The following CSRNP1 variants were observed in gnomAD, a reference collection of about 807,000 sequenced individuals.
CSRNP1 encodes cysteine/serine-rich nuclear protein 1.
CSRNP1 carries 8 observed loss-of-function variants against 25.0 expected under a neutral mutation model. The ratio of observed to expected loss-of-function variants is 0.32; its 90% CI spans 0.19 to 0.58. The LOEUF is 0.58. CSRNP1 is among the 20% of genes least tolerant of loss of function. CSRNP1 has a pLI of 0.88. For missense variants in CSRNP1, 691 were observed against 773.1 expected, an observed-to-expected ratio of 0.89 and a Z score of 1.26; for synonymous variants, 305 against 303.1, an observed-to-expected ratio of 1.01 and a Z score of -0.06.
chr3:39,145,633 T>A (rs564423819), intron 2 of CSRNP1, among the ~76,000 whole-genome samples: 1 of 152,262 alleles, frequency 6.6e-6, no homozygotes, highest in African/African-American at 2.4e-5. Flanking sequence ...TACAAGTTAA[T>A]GTTTATTGAT....
intron 3 of CSRNP1, 99 bp from the exon 4 acceptor site, chr3:39,144,550 A>G: frequency 1.7e-6 from 2 of 1,172,918 alleles, no homozygotes; most frequent in Non-Finnish European, 2.4e-6. Context: ...TTACCCCCCC[A>G]CTACTCGTGC....
At chr3:39,154,244 T>G (rs138082094), upstream of CSRNP1, 1 of 152,104 alleles carries the variant, frequency 6.6e-6, no homozygotes, top group East Asian at 1.9e-4. Context: ...CTGCAGAAGT[T>G]CCAAACTAGG....
rs987240500 is a variant in CSRNP1, at chr3:39,144,590, C to G, written c.466-139G>C. The stretch of plus-strand genomic sequence containing the variant: ...TCTGCGATGGGCACTGTGTGTCAGA[C>G]AGTGAACAGGACAGCCAAGAAAACT... On this transcript the variant is annotated intron_variant, in intron 3 of 4. Coordinates refer to ENST00000273153, the MANE Select transcript of CSRNP1 (RefSeq NM_033027.4). 5.1e-5 allele frequency: 42 copies of G among 827,948 alleles called. No individual in the cohort carries two copies. The Admixed American group carries it at 6.6e-4, about 13-fold the overall frequency. 51.3% of individuals were successfully genotyped at this position (827,948 alleles called of 1,614,324 possible). A position where few individuals can be genotyped will look rare whatever the true frequency, so the allele number is the denominator to read the frequency against.
At chr3:39,153,708 G>A (rs1318952258), upstream of CSRNP1, 1 of 151,322 alleles carries the variant, frequency 6.6e-6, no homozygotes, top group Admixed American at 6.6e-5. Context: ...CCGCCCCGGA[G>A]GCGCCGCCTC....
intron 1 of CSRNP1, 32 bp downstream of exon 1, chr3:39,153,406 T>C: frequency 3.7e-6 from 1 of 271,392 alleles, no homozygotes; most frequent in Non-Finnish European, 7.8e-6. Context: ...CAAAGTCCCG[T>C]CCTGCCGGGC....
chr3:39,144,845 A>G lies in CSRNP1; in HGVS notation c.465+152T>C, dbSNP rs1453360252. On this transcript the variant is annotated intron_variant, in intron 3 of 4. Coordinates refer to ENST00000273153, the MANE Select transcript of CSRNP1 (RefSeq NM_033027.4). ...TCCTGTTGCAGACAACCCAGGCAAC[A>G]GGCTCCAATCAAGCCAATCACCAGG... is the stretch of plus-strand genomic sequence containing the variant. 7.4e-6 allele frequency: 7 copies of G among 951,006 alleles called. No homozygotes were observed. In the Admixed American group the frequency reaches 1.6e-4, roughly 22 times the overall value. 58.9% of individuals were successfully genotyped at this position (951,006 alleles called of 1,614,324 possible). A position where few individuals can be genotyped will look rare whatever the true frequency, so the allele number is the denominator to read the frequency against.
At position 39,142,873 on chromosome 3, in the gene CSRNP1, T is replaced by G. The variant is rs1399749360; in HGVS notation, c.*182A>C. 4.2e-5 allele frequency: 30 copies of G among 706,336 alleles called. No individual in the cohort carries two copies. The South Asian group carries it at 6.6e-4, about 15-fold the overall frequency. The allele number at this position is 706,336 out of a possible 1,614,324, so 43.8% of individuals were successfully genotyped here. On this transcript the variant is annotated 3_prime_UTR_variant, in exon 5 of 5. Coordinates refer to ENST00000273153, the MANE Select transcript of CSRNP1 (RefSeq NM_033027.4). ...AAGCCCCCTCCCCCCAGTCCTCTCT[T>G]CAGCACAGAAAAGTTAAAACAAATA... is the stretch of plus-strand genomic sequence containing the variant.
intron 2 of CSRNP1, 145 bp downstream of exon 2, chr3:39,146,333 A>G (rs555513456): frequency 3.8e-6 from 4 of 1,045,404 alleles, no homozygotes; most frequent in East Asian, 5.3e-5. Flanking sequence ...GTGGACACTG[A>G]GTGACCACTA....
chr3:39,150,421 G>C (rs2039564190), intron 1 of CSRNP1: 1 of 152,278 alleles, frequency 6.6e-6, no homozygotes, highest in South Asian at 2.1e-4. Context: ...ATCGGGTATA[G>C]ACCCAACTGC....
chr3:39,141,997 A>T lies in CSRNP1; in HGVS notation c.*1058T>A, dbSNP rs1286544361. 6.5e-6 allele frequency: 1 copy of T among 152,688 alleles called. No individual in the cohort carries two copies. Among genetic ancestry groups the T allele is most frequent in the South Asian group, 2.1e-4 (1 of 4,826 alleles). The allele number at this position is 152,688 out of a possible 1,614,324, so 9.5% of individuals were successfully genotyped here. A position where few individuals can be genotyped will look rare whatever the true frequency, so the allele number is the denominator to read the frequency against. On this transcript the variant is annotated 3_prime_UTR_variant, in exon 5 of 5. Transcript: ENST00000273153. ...ACAGACACAGAGAGAAATGGAATAA[A>T]TTATAGTTCTGACACTCAGGGACAA...
intron 2 of CSRNP1, 46 bp from the exon 3 acceptor site, chr3:39,145,302 C>G (rs1169321549): frequency 6.6e-7 from 1 of 1,518,112 alleles, no homozygotes; most frequent in Non-Finnish European, 8.8e-7. Context: ...TTCAGTGAGG[C>G]ACAACTTACC....
At chr3:39,146,807 C>G in intron 1 of CSRNP1, 85 bp from the exon 2 acceptor site, 1 of 1,476,500 alleles carries the variant, frequency 6.8e-7, no homozygotes, top group African/African-American at 1.4e-5. Context: ...CTCCCACTTA[C>G]CCTCCAAGGC....
At position 39,143,572 on chromosome 3, in the gene CSRNP1, T is replaced by C. The variant is rs1435451355; in HGVS notation, c.1253A>G (p.Asp418Gly). 6.2e-7 allele frequency: 1 copy of C among 1,614,054 alleles called. No individual in the cohort carries two copies. The highest frequency in any genetic ancestry group is 1.3e-5 in the African/African-American group (1 of 74,940). ...EEEEGSVGNL[D>G]NLSCFHPADI... ...AGCTGGATGGAAGCAGCTGAGGTTG[T>C]CCAGGTTCCCCACGCTCCCTTCCTC... The change falls in exon 5 of 5, where the codon GAC becomes GGC. Residue 418 changes from aspartate to glycine, a missense_variant. Asp to Gly is a moderately conservative substitution (Grantham distance 94, BLOSUM62 -1). Transcript: ENST00000273153.
intron 1 of CSRNP1, chr3:39,150,954 T>G (rs1392123709): frequency 6.6e-6 from 1 of 152,254 alleles, no homozygotes; most frequent in Non-Finnish European, 1.5e-5. Flanking sequence ...CATGTTCCTC[T>G]GTTCCACCTC....
intron 3 of CSRNP1, 115 bp downstream of exon 3, chr3:39,144,882 G>A (rs1485370120): frequency 5.4e-6 from 7 of 1,295,556 alleles, no homozygotes; most frequent in Non-Finnish European, 7.3e-6. Context: ...CCACAGGCCT[G>A]TTTCCCCATA....
Position 39,146,624 on chromosome 3 carries a change from G to C in CSRNP1, c.59C>G (p.Ser20Cys). ...DQLDEDNSSV[S>C]SSSSSSGCQS... ...GCACCCAGAGGAAGAGGAGGAGGAG[G>C]AGACCGAGGAGTTGTCCTCATCCAG... Residue 20 changes from serine (S) to cysteine (C), a missense_variant, in exon 2 of 5, where the codon TCC becomes TGC. By Grantham distance (112) the Ser-to-Cys change is moderately radical. Coordinates refer to ENST00000273153, the MANE Select transcript of CSRNP1 (RefSeq NM_033027.4). 6.4e-7 allele frequency: 1 copy of C among 1,572,410 alleles called. No individual in the cohort carries two copies. Among genetic ancestry groups the C allele is most frequent in the African/African-American group, 1.4e-5 (1 of 73,926 alleles).
chr3:39,148,445 T>A (rs2039545029), intron 1 of CSRNP1: 2 of 152,754 alleles, frequency 1.3e-5, no homozygotes, highest in Non-Finnish European at 1.5e-5. Flanking sequence ...AGAGACCCCA[T>A]CCTTTCCCCA....
chr3:39,145,624 A>C (rs182309844), intron 2 of CSRNP1, among the ~76,000 whole-genome samples: 136 of 152,358 alleles, frequency 8.9e-4, no homozygotes, highest in Admixed American at 2.9e-3. Flanking sequence ...CTTTCCCTTT[A>C]CAAGTTAATG....
chr3:39,145,417 G>A (rs1469958904), intron 2 of CSRNP1, among the ~76,000 whole-genome samples, 161 bp from the exon 3 acceptor site: 1 of 152,194 alleles, frequency 6.6e-6, no homozygotes, highest in African/African-American at 2.4e-5. Flanking sequence ...CTGTGTGGTT[G>A]GGACTGGAGC....
Sources: allele counts gnomAD v4.1 joint callset (sites outside exome capture counted in the v4.1 genomes callset), GRCh38; gene constraint gnomAD v4.1.1; transcripts MANE v1.5; gene names NCBI Gene and HGNC (gene_info 2026-07-23, HGNC 2026-07-21).